Variants in REG1B observed in about 807,000 individuals in gnomAD.
REG1B encodes lithostathine-1-beta.
In REG1B, 21 loss-of-function variants were observed where a neutral mutation model predicts 20.4. That is an observed-to-expected ratio of 1.03 (90% CI 0.73 to 1.48). The LOEUF (loss-of-function observed/expected upper bound fraction) is 1.48. Among genes scored for constraint, REG1B ranks in the 40% most tolerant of loss-of-function variants. The pLI is 0.00. For missense variants in REG1B, 247 were observed against 197.2 expected (o/e 1.25, Z -1.51); for synonymous variants, 82 against 73.4 (o/e 1.12, Z -0.60).
At position 79,085,187 on chromosome 2, in the gene REG1B, A is replaced by C. The variant is rs1332492687; in HGVS notation, c.*29T>G. 1 of 1,542,508 alleles carries C rather than the reference A, an allele frequency of 6.5e-7. No individual in the cohort carries two copies. The highest frequency in any genetic ancestry group is 9.0e-7 in the Non-Finnish European group (1 of 1,114,750). ...TTGACTTCATAGTAATTGCAGGACC[A>C]GTTCTAGACATCCATTTTTCAGCTT... On this transcript the variant is annotated 3_prime_UTR_variant, in exon 6 of 6. Coordinates refer to ENST00000305089, the MANE Select transcript of REG1B (RefSeq NM_006507.4).
At chr2:79,087,257 C>A in intron 2 of REG1B, 1 of 537,382 alleles carries the variant, frequency 1.9e-6, no homozygotes, top group Admixed American at 3.3e-5. Context: ...CCTTAGCTCT[C>A]CATCCTAGCA....
In REG1B at chr2:79,085,565, G is replaced by A. The variant is rs1386228131; in HGVS notation, c.360C>T (p.Ser120=). ...GGGATCCAGTGTCCCAGGACTTGTA[G>A]GAGACCAGGGACCCACTACTCCAGT... is the stretch of plus-strand genomic sequence containing the variant. ...RWHWSSGSLV[S]YKSWDTGSPS... The change falls in exon 5 of 6, where the codon TCC becomes TCT. Residue 120 remains serine (S), a synonymous_variant. Transcript: ENST00000305089. The A allele has an allele frequency of 1.2e-6, 2 of 1,613,566 alleles. No homozygotes were observed. Among genetic ancestry groups the A allele is most frequent in the East Asian group, 2.2e-5 (1 of 44,866 alleles).
chr2:79,086,611 G>T (rs1274980709), intron 3 of REG1B, 107 bp from the exon 4 acceptor site: 2 of 1,436,262 alleles, frequency 1.4e-6, no homozygotes, highest in East Asian at 2.3e-5. Context: ...AAATGTCCCT[G>T]ATGATGCTGT....
intron 1 of REG1B, 37 bp from the exon 2 acceptor site, chr2:79,087,695 G>C: frequency 7.4e-7 from 1 of 1,344,262 alleles, no homozygotes; most frequent in Non-Finnish European, 1.0e-6. Flanking sequence ...TTGAAGAAGA[G>C]AGCAGAGCAC....
intron 4 of REG1B, chr2:79,085,923 G>A (rs77194387): frequency 0.086 from 22,900 of 267,136 alleles, 1,334 homozygotes; most frequent in Non-Finnish European, 0.12. Context: ...ATTGGCTGTA[G>A]AGTAGTCGTT....
chr2:79,086,895 T>C lies in REG1B; in HGVS notation c.100A>G (p.Ile34Val), dbSNP rs201217603. 1.2e-6 allele frequency: 2 copies of C among 1,613,848 alleles called. No homozygotes were observed. The highest frequency in any genetic ancestry group is 2.2e-5 in the East Asian group (1 of 44,846). Residue 34 changes from isoleucine (I) to valine (V), a missense_variant, in exon 3 of 6, where the codon ATC (isoleucine) becomes GTC (valine). Physicochemically the swap from Ile to Val is conservative, Grantham distance 29. Transcript: ENST00000305089. ...ESQTELPNPR[I>V]SCPEGTNAYR... is the part of the protein sequence containing the mutation. The stretch of plus-strand genomic sequence containing the variant: ...GCATTGGTGCCTTCTGGGCAGCTGA[T>C]TCGGGGATTAGGCAGCTCTGTCTGG...
intron 2 of REG1B, 33 bp from the exon 3 acceptor site, chr2:79,086,963 G>A: frequency 6.4e-7 from 1 of 1,567,888 alleles, no homozygotes; most frequent in Non-Finnish European, 8.8e-7. Flanking sequence ...AATTAAGAAA[G>A]AATCGCAGGG....
intron 2 of REG1B, 49 bp downstream of exon 2, chr2:79,087,500 G>A: frequency 1.3e-6 from 2 of 1,582,850 alleles, no homozygotes; most frequent in Non-Finnish European, 1.7e-6. Flanking sequence ...TGAGGATGGA[G>A]GGAAGAATTC....
In REG1B at chr2:79,085,211, T is replaced by C. The variant is rs1249987788; in HGVS notation, c.*5A>G. On this transcript the variant is annotated 3_prime_UTR_variant, in exon 6 of 6. Coordinates refer to ENST00000305089, the MANE Select transcript of REG1B (RefSeq NM_006507.4). ...CAGTTCTAGACATCCATTTTTCAGCTTCCTCTAGTTTTTGAACTTGCAAAC... is the reference window on the plus strand; with the variant it reads ...CAGTTCTAGACATCCATTTTTCAGCCTCCTCTAGTTTTTGAACTTGCAAAC... The C allele has an allele frequency of 3.7e-6, 6 of 1,609,346 alleles. No individual in the cohort carries two copies. The highest frequency in any genetic ancestry group is 5.1e-6 in the Non-Finnish European group (6 of 1,175,720).
At chr2:79,087,234 C>T in intron 2 of REG1B, 1 of 533,280 alleles carries the variant, frequency 1.9e-6, no homozygotes, top group Non-Finnish European at 3.3e-6. Flanking sequence ...CTCGGTTTCC[C>T]TGCACACGTT....
chr2:79,086,678 T>A, intron 3 of REG1B, 134 bp downstream of exon 3: 1 of 1,290,282 alleles, frequency 7.8e-7, no homozygotes, highest in Admixed American at 1.7e-5. Flanking sequence ...ATAAAGTAGA[T>A]TGGGAAGTTT....
In REG1B at chr2:79,085,768, C is replaced by G. The variant is rs1016372954; in HGVS notation, c.322-165G>C. The G allele has an allele frequency of 1.0e-5, 5 of 481,312 alleles. No homozygotes were observed. In the Admixed American group the frequency reaches 1.9e-4, roughly 18 times the overall value. 29.8% of individuals were successfully genotyped at this position (481,312 alleles called of 1,614,324 possible). ...TCCTCTGCTTTTGCTCTAAGCTTCT[C>G]CTTCTCTAGAATGTCCGAATTCCTC... On this transcript the variant is annotated intron_variant, in intron 4 of 5. Transcript: ENST00000305089.
rs766889732 is a variant in REG1B, at chr2:79,086,937, A to G, written c.65-7T>C. On this transcript the variant is annotated splice_region_variant and splice_polypyrimidine_tract_variant and intron_variant, in intron 2 of 5. Coordinates refer to ENST00000305089, the MANE Select transcript of REG1B (RefSeq NM_006507.4). ...TCTGTCTGGGACTCCTGGCCTGGGG[A>G]AAAAAAAAAGGAGATAATTAAGAAA... The G allele has an allele frequency of 2.6e-4, 365 of 1,397,404 alleles. 2 individuals carry two copies. The highest frequency in any genetic ancestry group is 1.0e-3 in the South Asian group (82 of 79,328). 86.6% of individuals were successfully genotyped at this position (1,397,404 alleles called of 1,614,324 possible). A position where few individuals can be genotyped will look rare whatever the true frequency, so the allele number is the denominator to read the frequency against.
intron 1 of REG1B, 44 bp from the exon 2 acceptor site, chr2:79,087,702 G>T: frequency 7.9e-7 from 1 of 1,265,232 alleles, no homozygotes; most frequent in Non-Finnish European, 1.1e-6. Context: ...AGAGAGCAGA[G>T]CACCTGTTAT....
chr2:79,086,667 G>A, intron 3 of REG1B, 145 bp downstream of exon 3: 1 of 1,305,688 alleles, frequency 7.7e-7, no homozygotes, highest in East Asian at 2.3e-5. Flanking sequence ...CAAATGATGG[G>A]ATAAAGTAGA....
chr2:79,085,485 C>G lies in REG1B; in HGVS notation c.433+7G>C. The G allele has an allele frequency of 6.2e-7, 1 of 1,605,228 alleles. No homozygotes were observed. Among genetic ancestry groups the G allele is most frequent in the East Asian group, 2.2e-5 (1 of 44,788 alleles). ...GGCAACAGGTGGATAGATTGTCTGC[C>G]TCTCACCTGAGCATGAAGTCAGGCT... On this transcript the variant is annotated splice_region_variant and intron_variant, in intron 5 of 5. Transcript: ENST00000305089.
At chr2:79,087,739 T>C in intron 1 of REG1B, 81 bp from the exon 2 acceptor site, 2 of 906,282 alleles carry the variant, frequency 2.2e-6, no homozygotes, top group South Asian at 1.9e-5. Flanking sequence ...CCTCTCTGAA[T>C]TCCTGTGAGC....
Position 79,087,602 on chromosome 2 carries a change from G to A in REG1B, c.11C>T (p.Thr4Ile). The A allele has an allele frequency of 6.2e-7, 1 of 1,612,546 alleles. No individual in the cohort carries two copies. The highest frequency in any genetic ancestry group is 8.5e-7 in the Non-Finnish European group (1 of 1,178,662). Reference protein sequence around the residue: MAQTNSFFMLISSL... With the variant: MAQINSFFMLISSL... ...GGAGATCAGCATGAAGAACGAGTTG[G>A]TCTGAGCCATGCTTAGCGGCAGTGA... Residue 4 changes from threonine (T) to isoleucine (I), a missense_variant, in exon 2 of 6, where the codon ACC (threonine) becomes ATC (isoleucine). Coordinates refer to ENST00000305089, the MANE Select transcript of REG1B (RefSeq NM_006507.4).
At position 79,086,372 on chromosome 2, in the gene REG1B, T is replaced by C. The variant is rs754704891; in HGVS notation, c.316A>G (p.Lys106Glu). The change falls in exon 4 of 6, where the codon AAA becomes GAA. Residue 106 changes from lysine (K) to glutamate (E), a missense_variant. By Grantham distance (56) the Lys-to-Glu change is moderately conservative. Transcript: ENST00000305089. ...AGAGGTGGCTGCAGACTGACCTTTT[T>C]TGGGTCATGGAGGCCAATCCAGACA... ...SNVWIGLHDP[K>E]KNRRWHWSSG... is the part of the protein sequence containing the mutation. 2 of 1,613,942 alleles carry C rather than the reference T, an allele frequency of 1.2e-6. No homozygotes were observed. The highest frequency in any genetic ancestry group is 1.1e-5 in the South Asian group (1 of 91,080).
Sources: gnomAD v4.1 joint callset for allele counts on GRCh38, gnomAD v4.1.1 for gene constraint, MANE v1.5 for transcripts, NCBI Gene and HGNC (gene_info 2026-07-23, HGNC 2026-07-21) for gene names.